CAMK2B: variants seen among roughly 807,000 people sequenced by gnomAD.
CAMK2B encodes the protein calcium/calmodulin-dependent protein kinase type II subunit beta.
CAMK2B carries 27 observed loss-of-function variants against 93.7 expected under a neutral mutation model. That is an observed-to-expected ratio of 0.29 (90% confidence interval 0.21 to 0.40). CAMK2B has a LOEUF of 0.40. Ranked by LOEUF, CAMK2B falls within the 10% of genes least tolerant of loss-of-function variation. The pLI is 1.00. For synonymous variants in CAMK2B, 374 were observed against 358.8 expected (o/e 1.04, Z -0.48); for missense variants, 568 against 895.8 (o/e 0.63, Z 4.67).
chr7:44,285,252 T>C (rs550354712), intron 1 of CAMK2B, among the ~76,000 whole-genome samples: 13 of 152,258 alleles, frequency 8.5e-5, no homozygotes, highest in African/African-American at 3.1e-4. Context: ...ACAGCACACG[T>C]GAGGCAAGGG....
chr7:44,308,165 T>C (rs1040239995), intron 1 of CAMK2B, among the ~76,000 whole-genome samples: 1 of 152,222 alleles, frequency 6.6e-6, no homozygotes, highest in African/African-American at 2.4e-5. Context: ...CTAACAGGAA[T>C]GTGAACACTT....
At chr7:44,305,645 A>G (rs1791267872) in intron 1 of CAMK2B, among the ~76,000 whole-genome samples, 1 of 152,164 alleles carries the variant, frequency 6.6e-6, no homozygotes, top group African/African-American at 2.4e-5. Context: ...CAAGAGGAAA[A>G]TGAATCACAG....
intron 5 of CAMK2B, among the ~76,000 whole-genome samples, 163 bp downstream of exon 5, chr7:44,254,379 G>T (rs1343926820): frequency 9.2e-5 from 14 of 152,214 alleles, no homozygotes; most frequent in African/African-American, 3.1e-4. Context: ...CTGCGCTGAG[G>T]TTACAAGTTT....
chr7:44,225,603 C>A lies in CAMK2B; in HGVS notation c.1597+913G>T, dbSNP rs559448423. On this transcript the variant is annotated intron_variant, in intron 20 of 23. Coordinates refer to ENST00000395749, the MANE Select transcript of CAMK2B (RefSeq NM_001220.5). This position sits in a 1 kb window ranked among gnomAD's most constrained non-coding sequence, Gnocchi z 5.0. ...TCGGGCACCCAGGGTGGATCCAGTG[C>A]CCCTTTGAGCCTGCAGCCTGCATCC... Among the ~76,000 whole-genome samples the A allele has an allele frequency of 6.6e-6, 1 of 152,214 alleles. No individual in the cohort carries two copies. The highest frequency in any genetic ancestry group is 2.4e-5 in the African/African-American group (1 of 41,542).
At chr7:44,284,284 G>A (rs772168204) in intron 1 of CAMK2B, 59 bp from the exon 2 acceptor site, 618 of 1,241,874 alleles carry the variant, frequency 5.0e-4, no homozygotes, top group Non-Finnish European at 6.5e-4. Flanking sequence ...GAGAAAGAGA[G>A]AGAGCCGATT....
intron 5 of CAMK2B, among the ~76,000 whole-genome samples, chr7:44,253,914 T>A (rs966416297): frequency 6.6e-6 from 1 of 152,052 alleles, no homozygotes; most frequent in African/African-American, 2.4e-5. Flanking sequence ...TTTTTTTTTT[T>A]TTTTTTTAAA....
In CAMK2B at chr7:44,284,225, C is replaced by T. The variant is rs555919613; in HGVS notation, c.66G>A (p.Lys22=). The stretch of plus-strand genomic sequence containing the variant: ...AGCGTCGGACCACAGAGAAAGCCCC[C>T]CTGGGGAGGAAAATGGGGGAGCGAG... ...DEYQLYEDIG[K]GAFSVVRRCV... The change falls in exon 2 of 24, where the codon AAG becomes AAA. Residue 22 remains lysine, a splice_region_variant and synonymous_variant. Coordinates refer to ENST00000395749, the MANE Select transcript of CAMK2B (RefSeq NM_001220.5). 1.9e-6 allele frequency: 3 copies of T among 1,610,764 alleles called. No individual in the cohort carries two copies. Among genetic ancestry groups the T allele is most frequent in the African/African-American group, 2.7e-5 (2 of 74,952 alleles).
At chr7:44,243,983 T>A (rs2096706943) in intron 6 of CAMK2B, among the ~76,000 whole-genome samples, 1 of 152,154 alleles carries the variant, frequency 6.6e-6, no homozygotes, top group Non-Finnish European at 1.5e-5. Flanking sequence ...CTTCCCTCCC[T>A]GTTTCTCACT....
intron 13 of CAMK2B, among the ~76,000 whole-genome samples, chr7:44,237,448 A>G (rs1183671649): frequency 1.3e-5 from 2 of 152,266 alleles, no homozygotes; most frequent in Non-Finnish European, 2.9e-5. Flanking sequence ...GAAGCCCTGC[A>G]GCAGACGTCC....
intron 17 of CAMK2B, 138 bp downstream of exon 17, chr7:44,230,868 A>T: frequency 1.5e-6 from 1 of 673,102 alleles, no homozygotes; most frequent in Non-Finnish European, 2.6e-6. Context: ...GATTACAGCT[A>T]CAGGGTCCCT....
chr7:44,250,717 A>T (rs62459105), intron 5 of CAMK2B, among the ~76,000 whole-genome samples: 1 of 151,892 alleles, frequency 6.6e-6, no homozygotes, highest in Admixed American at 6.6e-5. Flanking sequence ...TTTAATAGAG[A>T]CGGGGTTTCA....
intron 5 of CAMK2B, among the ~76,000 whole-genome samples, chr7:44,251,260 TG>T (rs1216048415): frequency 6.6e-6 from 1 of 152,202 alleles, no homozygotes; most frequent in Non-Finnish European, 1.5e-5. Context: ...GGGCTCTGCC[TG>T]GGGGTAAGTC....
At chr7:44,319,223 G>A (rs1018250566) in intron 1 of CAMK2B, among the ~76,000 whole-genome samples, 51 of 152,186 alleles carry the variant, frequency 3.4e-4, no homozygotes, top group African/African-American at 9.4e-4. Context: ...AAAATCTCCA[G>A]AAAGGCCACA....
intron 5 of CAMK2B, among the ~76,000 whole-genome samples, chr7:44,253,499 C>A (rs2096800151): frequency 6.6e-6 from 1 of 152,214 alleles, no homozygotes; most frequent in Non-Finnish European, 1.5e-5. Flanking sequence ...ACGTGTGAGC[C>A]ACCACGCACG....
At chr7:44,324,264 A>G (rs1026121274) in intron 1 of CAMK2B, among the ~76,000 whole-genome samples, 3 of 152,234 alleles carry the variant, frequency 2.0e-5, no homozygotes, top group Non-Finnish European at 4.4e-5. Flanking sequence ...TCTCGCCAGC[A>G]CCGCCAGCGC....
chr7:44,230,978 G>GT, intron 17 of CAMK2B, 28 bp downstream of exon 17: 1 of 1,544,046 alleles, frequency 6.5e-7, no homozygotes, highest in South Asian at 1.2e-5. Context: ...CAAGGCCGCT[G>GT]GGGGGGCAAG....
At chr7:44,232,464 TGGA>T (rs1437222418) in intron 16 of CAMK2B, among the ~76,000 whole-genome samples, 1 of 151,470 alleles carries the variant, frequency 6.6e-6, no homozygotes, top group Admixed American at 6.6e-5. Flanking sequence ...GGAGGTGGGG[TGGA>T]GGACAGCCAG....
At chr7:44,305,728 G>T (rs887454349) in intron 1 of CAMK2B, among the ~76,000 whole-genome samples, 2 of 152,228 alleles carry the variant, frequency 1.3e-5, no homozygotes, top group African/African-American at 4.8e-5. Flanking sequence ...CAAGACAGGG[G>T]CGAGAGGCCT....
chr7:44,301,425 T>C (rs1327300079), intron 1 of CAMK2B, among the ~76,000 whole-genome samples: 5 of 152,188 alleles, frequency 3.3e-5, no homozygotes, highest in Non-Finnish European at 5.9e-5. Context: ...GTGTCAGCCA[T>C]TGCACCTGGC....
Sources: gnomAD v4.1 joint callset for allele counts (sites outside exome capture counted in the v4.1 genomes callset) on GRCh38, gnomAD v4.1.1 for gene constraint, Gnocchi (gnomAD v3.1) non-coding constraint, MANE v1.5 for transcripts, NCBI Gene and HGNC (gene_info 2026-07-23, HGNC 2026-07-21) for gene names.